The following PAPPA variants were observed in gnomAD, a reference collection of about 807,000 sequenced individuals.
PAPPA encodes pappalysin 1.
In PAPPA, 60 loss-of-function variants were observed where a neutral mutation model predicts 164.0. The observed-to-expected ratio is 0.37, with a 90% CI of 0.30 to 0.45. PAPPA has a LOEUF of 0.45. Ranked by LOEUF, PAPPA falls within the 20% of genes least tolerant of loss-of-function variation. The pLI, the probability that PAPPA is intolerant of heterozygous loss-of-function variation, is 1.00. For synonymous variants in PAPPA, 875 were observed against 814.1 expected, an observed-to-expected ratio of 1.07 and a Z score of -1.27; for missense variants, 1,782 against 2,087.3, an observed-to-expected ratio of 0.85 and a Z score of 2.85.
chr9:116,385,234 AAAATAAATAAATAAATAAATAAATAAAT>A (rs142801371), intron 21 of PAPPA, among the ~76,000 whole-genome samples: 16 of 139,460 alleles, frequency 1.1e-4, no homozygotes, highest in Admixed American at 2.2e-4. Context: ...ACTCCATCTC[AAAATAAATAAATAAATAAATAAATAAAT>A]AAATAAATAA....
At chr9:116,161,012 G>C (rs1203069786) in intron 1 of PAPPA, among the ~76,000 whole-genome samples, 1 of 152,202 alleles carries the variant, frequency 6.6e-6, no homozygotes, top group Non-Finnish European at 1.5e-5. Flanking sequence ...CTCATGGGCT[G>C]TCATGGGACC....
chr9:116,260,017 A>G (rs1307893555), intron 7 of PAPPA, among the ~76,000 whole-genome samples: 1 of 152,224 alleles, frequency 6.6e-6, no homozygotes, highest in East Asian at 1.9e-4. Context: ...TACTTGTAGC[A>G]ATATGTGTGA....
chr9:116,180,921 G>A (rs1466567158), intron 1 of PAPPA, among the ~76,000 whole-genome samples: 3 of 152,140 alleles, frequency 2.0e-5, no homozygotes, highest in African/African-American at 4.8e-5. Flanking sequence ...TGACTTTCCA[G>A]TTTTCTGATC....
intron 2 of PAPPA, among the ~76,000 whole-genome samples, chr9:116,189,931 C>T (rs529277217): frequency 6.6e-6 from 1 of 152,330 alleles, no homozygotes; most frequent in East Asian, 1.9e-4. Flanking sequence ...AGCTCAGCTT[C>T]CCGGCACCAG....
chr9:116,323,773 AC>A (rs1217250327), intron 10 of PAPPA, among the ~76,000 whole-genome samples: 1 of 152,230 alleles, frequency 6.6e-6, no homozygotes, highest in Non-Finnish European at 1.5e-5. Context: ...TTTAGAGTCA[AC>A]ATTCTTTTCT....
intron 10 of PAPPA, among the ~76,000 whole-genome samples, chr9:116,314,959 C>T (rs117042138): frequency 3.9e-5 from 6 of 152,312 alleles, no homozygotes; most frequent in Middle Eastern, 3.4e-3. Context: ...TAGCAGCTAA[C>T]GATTTGGCCC....
In PAPPA at chr9:116,220,096, G is replaced by T; in HGVS notation, c.2078G>T (p.Trp693Leu). The change falls in exon 5 of 22, where the codon TGG (tryptophan) becomes TTG (leucine). Residue 693 changes from tryptophan (W) to leucine (L), a missense_variant. By Grantham distance (61) the Trp-to-Leu change is moderately conservative. Transcript: ENST00000328252. ...ACAACGGACTCTGTGACACTGGAGT[G>T]GTTCCCACCTATAGATGGCCATTTC... ...GHTTDSVTLE[W>L]FPPIDGHFFE... 3 of 1,613,892 alleles carry T rather than the reference G, an allele frequency of 1.9e-6. No individual in the cohort carries two copies. The highest frequency in any genetic ancestry group is 2.5e-6 in the Non-Finnish European group (3 of 1,179,938).
intron 7 of PAPPA, among the ~76,000 whole-genome samples, chr9:116,241,029 C>A (rs1186761450): frequency 2.6e-5 from 4 of 152,090 alleles, no homozygotes; most frequent in Admixed American, 6.6e-5. Context: ...CAATATAATT[C>A]TTTGGGGAAA....
chr9:116,157,869 G>C (rs1296089870), intron 1 of PAPPA, among the ~76,000 whole-genome samples: 2 of 152,112 alleles, frequency 1.3e-5, no homozygotes, highest in African/African-American at 4.8e-5. Flanking sequence ...GGAGGAACCA[G>C]ACCCCTGTTC....
chr9:116,302,153 T>C (rs186285756), intron 9 of PAPPA, among the ~76,000 whole-genome samples: 423 of 152,306 alleles, frequency 2.8e-3, no homozygotes, highest in Non-Finnish European at 4.9e-3. Flanking sequence ...GGAAGAATAA[T>C]ATCTTCCACA....
intron 18 of PAPPA, among the ~76,000 whole-genome samples, chr9:116,363,194 A>C (rs1242962135): frequency 6.6e-6 from 1 of 152,200 alleles, no homozygotes. Context: ...CTAAACATTC[A>C]TGAGTACCTG....
chr9:116,356,028 A>G lies in PAPPA; in HGVS notation c.4347+2235A>G, dbSNP rs535167669. Among the ~76,000 whole-genome samples the G allele has an allele frequency of 1.8e-3, 279 of 152,308 alleles. 2 individuals are homozygous for G. The highest frequency in any genetic ancestry group is 6.8e-3 in the Middle Eastern group (2 of 294). Reference sequence around the variant, plus strand: ...CCCAGAGCATCTTGAATCAGCTTGTATGGAGCAGGGATTCTTTGCTTTCCA... The same window carrying G: ...CCCAGAGCATCTTGAATCAGCTTGTGTGGAGCAGGGATTCTTTGCTTTCCA... On this transcript the variant is annotated intron_variant, in intron 17 of 21. Transcript: ENST00000328252.
rs1554730879 is a variant in PAPPA, at chr9:116,156,348, G to GTGTATATATATATATATATATGTA, written c.415+1762_415+1763insGTATATATATATATATATATGTAT. On this transcript the variant is annotated intron_variant, in intron 1 of 21. Coordinates refer to ENST00000328252, the MANE Select transcript of PAPPA (RefSeq NM_002581.5). ...TATATATATGTGTATATATATATAT[G>GTGTATATATATATATATATATGTA]TATATATATATATATAACACCTGGG... is the stretch of plus-strand genomic sequence containing the variant. Among the ~76,000 whole-genome samples the GTGTATATATATATATATATATGTA allele has an allele frequency of 2.3e-4, 27 of 117,092 alleles. No homozygotes were observed. In the South Asian group the frequency reaches 5.4e-3, roughly 23 times the overall value. 76.8% of individuals were successfully genotyped at this position (117,092 alleles called of 152,430 possible). A position where few individuals can be genotyped will look rare whatever the true frequency, so the allele number is the denominator to read the frequency against.
chr9:116,304,044 CTGAA>C (rs376814359), intron 10 of PAPPA, among the ~76,000 whole-genome samples: 3 of 152,116 alleles, frequency 2.0e-5, no homozygotes, highest in Non-Finnish European at 4.4e-5. Context: ...TGCCAGCCTG[CTGAA>C]TGAATGAATG....
At chr9:116,283,967 C>T (rs1240790991) in intron 9 of PAPPA, among the ~76,000 whole-genome samples, 1 of 152,196 alleles carries the variant, frequency 6.6e-6, no homozygotes, top group Non-Finnish European at 1.5e-5. Context: ...CTTTTTCCAC[C>T]TGAGAAGTAG....
chr9:116,154,161 G>GGGGGGGGGC lies in PAPPA; in HGVS notation c.-12_-11insGGGGGGGGC. The GGGGGGGGGC allele has an allele frequency of 2.5e-6, 3 of 1,224,416 alleles. No homozygotes were observed. Among genetic ancestry groups the GGGGGGGGGC allele is most frequent in the Non-Finnish European group, 1.1e-6 (1 of 926,406 alleles). The allele number at this position is 1,224,416 out of a possible 1,614,324, so 75.8% of individuals were successfully genotyped here. On this transcript the variant is annotated 5_prime_UTR_variant, in exon 1 of 22. Coordinates refer to ENST00000328252, the MANE Select transcript of PAPPA (RefSeq NM_002581.5). The surrounding 1 kb of genome is among the most constrained non-coding windows in gnomAD (Gnocchi z 5.2). The stretch of plus-strand genomic sequence containing the variant: ...TGCAGGGGCGAAGGGGGGGCGGGGG[G>GGGGGGGGGC]AACCGTCGGACATGCGGCTCTGGAG...
chr9:116,254,781 CAAAA>C (rs143327103), intron 7 of PAPPA, among the ~76,000 whole-genome samples: 939 of 60,334 alleles, frequency 0.016, 12 homozygotes, highest in African/African-American at 0.062. Flanking sequence ...GACTCCGTCT[CAAAA>C]AAAAAAAAAA....
At chr9:116,334,247 A>AAC (rs1433850902) in intron 12 of PAPPA, among the ~76,000 whole-genome samples, 1 of 150,912 alleles carries the variant, frequency 6.6e-6, no homozygotes, top group Admixed American at 6.6e-5. Flanking sequence ...TTAAAAAAAA[A>AAC]AAAAAAAAAA....
At chr9:116,206,941 A>G (rs1401669919) in intron 2 of PAPPA, among the ~76,000 whole-genome samples, 1 of 152,156 alleles carries the variant, frequency 6.6e-6, no homozygotes, top group Non-Finnish European at 1.5e-5. Context: ...TGCTCAAGAA[A>G]GGTTGTAGAG....
Sources: gnomAD v4.1 joint callset for allele counts (sites outside exome capture counted in the v4.1 genomes callset) on GRCh38, gnomAD v4.1.1 for gene constraint, Gnocchi (gnomAD v3.1) non-coding constraint, MANE v1.5 for transcripts, NCBI Gene and HGNC (gene_info 2026-07-23, HGNC 2026-07-21) for gene names.